RNFT2: variants seen among roughly 807,000 people sequenced by gnomAD.
The protein encoded by RNFT2 is E3 ubiquitin-protein ligase RNFT2.
RNFT2 carries 36 observed loss-of-function variants against 53.0 expected under a neutral mutation model. That is an observed-to-expected ratio of 0.68 (90% CI 0.52 to 0.90). RNFT2 has a LOEUF of 0.90. RNFT2 is among the 40% of genes least tolerant of loss of function. The pLI is 0.00. For missense variants in RNFT2, 514 were observed against 585.6 expected, an observed-to-expected ratio of 0.88 and a Z score of 1.26; for synonymous variants, 260 against 253.2, an observed-to-expected ratio of 1.03 and a Z score of -0.26.
intron 7 of RNFT2, among the ~76,000 whole-genome samples, chr12:116,829,131 G>A (rs1249203534): frequency 6.6e-6 from 1 of 152,048 alleles, no homozygotes; most frequent in Non-Finnish European, 1.5e-5. Flanking sequence ...CATGAGGGAG[G>A]CATGGGGCAG....
At chr12:116,768,736 C>CTCTTT (rs555119379) in intron 6 of RNFT2, among the ~76,000 whole-genome samples, 8 of 142,934 alleles carry the variant, frequency 5.6e-5, no homozygotes, top group African/African-American at 2.1e-4. Flanking sequence ...TTTTCTCTCT[C>CTCTTT]TTTTTTTTTT....
At chr12:116,806,381 A>AT (rs1555207575) in intron 7 of RNFT2, among the ~76,000 whole-genome samples, 5,811 of 132,916 alleles carry the variant, frequency 0.044, 220 homozygotes, top group African/African-American at 0.11. Flanking sequence ...AAAAAAAAAA[A>AT]ATATATATAT....
At chr12:116,798,225 C>CAAA (rs201001033) in intron 7 of RNFT2, among the ~76,000 whole-genome samples, 3 of 139,198 alleles carry the variant, frequency 2.2e-5, no homozygotes, top group Middle Eastern at 3.6e-3. Context: ...GACTCTGTCT[C>CAAA]AAAAAAAAAA....
At chr12:116,805,486 G>GT (rs1474341398) in intron 7 of RNFT2, among the ~76,000 whole-genome samples, 1 of 151,992 alleles carries the variant, frequency 6.6e-6, no homozygotes, top group Non-Finnish European at 1.5e-5. Flanking sequence ...TGTTGTTGTT[G>GT]TTTTTTGACA....
At chr12:116,835,844 T>TTCTG in intron 8 of RNFT2, 116 bp from the exon 9 acceptor site, 1 of 1,051,312 alleles carries the variant, frequency 9.5e-7, no homozygotes. Flanking sequence ...AGAGGAGCCC[T>TTCTG]AAAAATGTTC....
At chr12:116,785,766 A>G (rs903390581) in intron 7 of RNFT2, among the ~76,000 whole-genome samples, 5 of 152,136 alleles carry the variant, frequency 3.3e-5, no homozygotes, top group African/African-American at 1.2e-4. Context: ...TAAAACAGGA[A>G]AGCCAGGCAT....
chr12:116,784,304 T>A (rs1873836671), intron 7 of RNFT2, among the ~76,000 whole-genome samples: 1 of 152,206 alleles, frequency 6.6e-6, no homozygotes, highest in South Asian at 2.1e-4. Flanking sequence ...GCCGCACGTG[T>A]CGTGTCCTCT....
Position 116,848,995 on chromosome 12 carries a change from T to G in RNFT2, c.1201-319T>G, listed in dbSNP as rs368933651. 2.6e-5 allele frequency among the ~76,000 whole-genome samples: 4 copies of G among 152,026 alleles called. No homozygotes were observed. The East Asian group carries it at 7.8e-4, about 30-fold the overall frequency. Reference sequence around the variant, plus strand: ...CACCACGCCCGGCTAATTTTTGTATTTTTTAGTAGAGACTGGTTTTCACCA... The same window carrying G: ...CACCACGCCCGGCTAATTTTTGTATGTTTTAGTAGAGACTGGTTTTCACCA... On this transcript the variant is annotated intron_variant, in intron 10 of 10. Transcript: ENST00000257575.
At chr12:116,804,378 C>T (rs1336910020) in intron 7 of RNFT2, among the ~76,000 whole-genome samples, 3 of 152,190 alleles carry the variant, frequency 2.0e-5, no homozygotes, top group Admixed American at 2.0e-4. Context: ...CTAAATCCTC[C>T]AGATAATTTG....
chr12:116,834,033 A>G (rs1876830126), intron 8 of RNFT2, 92 bp downstream of exon 8: 2 of 1,084,656 alleles, frequency 1.8e-6, no homozygotes, highest in South Asian at 5.6e-5. Flanking sequence ...TAGAATACCC[A>G]TGCTGATTTA....
At chr12:116,823,499 T>C (rs1461398291) in intron 7 of RNFT2, among the ~76,000 whole-genome samples, 1 of 152,122 alleles carries the variant, frequency 6.6e-6, no homozygotes, top group East Asian at 1.9e-4. Flanking sequence ...GCCTGGCCAA[T>C]GTGGCAAAAC....
intron 6 of RNFT2, among the ~76,000 whole-genome samples, chr12:116,770,240 T>C (rs1198773159): frequency 6.6e-6 from 1 of 152,248 alleles, no homozygotes; most frequent in African/African-American, 2.4e-5. Context: ...GTGTTTTTAC[T>C]GTGCCCTTTC....
rs1473119070 is a variant in RNFT2, at chr12:116,850,461, G to A, written c.*1013G>A. ...GCTGGAATTACAGGTATGAGCCCCTGTGCCCAGCCCACCTGCTGGTTATTT... is the reference window on the plus strand; with the variant it reads ...GCTGGAATTACAGGTATGAGCCCCTATGCCCAGCCCACCTGCTGGTTATTT... On this transcript the variant is annotated 3_prime_UTR_variant, in exon 11 of 11. Coordinates refer to ENST00000257575, the MANE Select transcript of RNFT2 (RefSeq NM_001382266.1). 1 of 151,932 alleles carries A rather than the reference G, an allele frequency of 6.6e-6. No homozygotes were observed. The allele number at this position is 151,932 out of a possible 1,614,324, so 9.4% of individuals were successfully genotyped here.
At chr12:116,813,738 C>T (rs778351462) in intron 7 of RNFT2, among the ~76,000 whole-genome samples, 31 of 152,188 alleles carry the variant, frequency 2.0e-4, no homozygotes, top group Non-Finnish European at 3.5e-4. Context: ...GAGAATGTTG[C>T]AGATATTTCT....
chr12:116,746,627 T>A (rs2137067574), intron 3 of RNFT2, among the ~76,000 whole-genome samples: 1 of 152,206 alleles, frequency 6.6e-6, no homozygotes, highest in African/African-American at 2.4e-5. Context: ...TAGCCTGTAG[T>A]AGAAAGCCCT....
intron 7 of RNFT2, among the ~76,000 whole-genome samples, chr12:116,782,730 T>G (rs1442744111): frequency 1.3e-5 from 2 of 151,972 alleles, no homozygotes; most frequent in Admixed American, 6.6e-5. Context: ...CGGGCACTGT[T>G]ATTCCTACCA....
At chr12:116,746,006 G>A (rs1871876324) in intron 3 of RNFT2, among the ~76,000 whole-genome samples, 1 of 152,146 alleles carries the variant, frequency 6.6e-6, no homozygotes, top group East Asian at 1.9e-4. Flanking sequence ...GGAGGCCAAG[G>A]CGGGTGGATC....
At chr12:116,745,033 G>A (rs562008605) in intron 3 of RNFT2, among the ~76,000 whole-genome samples, 2 of 152,156 alleles carry the variant, frequency 1.3e-5, no homozygotes, top group Non-Finnish European at 2.9e-5. Context: ...GTTTGCTGTT[G>A]TTGTCATTAT....
intron 1 of RNFT2, among the ~76,000 whole-genome samples, chr12:116,739,691 G>GAA: frequency 6.6e-6 from 1 of 152,322 alleles, no homozygotes; most frequent in South Asian, 2.1e-4. Context: ...TAGAGGAACA[G>GAA]AAGGGCCACT....
Sources: allele counts gnomAD v4.1 joint callset (sites outside exome capture counted in the v4.1 genomes callset), GRCh38; gene constraint gnomAD v4.1.1; transcripts MANE v1.5; gene names NCBI Gene and HGNC (gene_info 2026-07-23, HGNC 2026-07-21).